Variants in EXT1 observed in about 807,000 individuals in gnomAD.
EXT1 encodes exostosin glycosyltransferase 1.
Under a neutral mutation model 82.5 loss-of-function variants are expected in EXT1, and 20 were observed. The ratio of observed to expected loss-of-function variants is 0.24; its 90% CI spans 0.17 to 0.35. The LOEUF is 0.35. EXT1 is among the 10% of genes least tolerant of loss of function. The probability of loss-of-function intolerance (pLI) is 1.00; values close to 1 mark genes in which losing one functional copy is unlikely to be tolerated. For synonymous variants in EXT1, 348 were observed against 350.8 expected, an observed-to-expected ratio of 0.99 and a Z score of 0.09; for missense variants, 757 against 936.5, an observed-to-expected ratio of 0.81 and a Z score of 2.50.
chr8:117,905,208 GC>G (rs1374065404), intron 1 of EXT1, among the ~76,000 whole-genome samples: 1 of 152,204 alleles, frequency 6.6e-6, no homozygotes, highest in Non-Finnish European at 1.5e-5. Flanking sequence ...TTCAAATCTA[GC>G]TCTGTTGGCT....
At chr8:117,909,188 G>C (rs567297351) in intron 1 of EXT1, among the ~76,000 whole-genome samples, 42 of 152,038 alleles carry the variant, frequency 2.8e-4, no homozygotes, top group South Asian at 4.2e-4. Flanking sequence ...GGCTAAAAAA[G>C]AACAATAATT....
chr8:117,838,435 G>A (rs1206413203), intron 1 of EXT1, among the ~76,000 whole-genome samples: 3 of 151,890 alleles, frequency 2.0e-5, no homozygotes, highest in Admixed American at 6.6e-5. Context: ...TTATAAACCC[G>A]CCATTAAGAA....
At chr8:117,926,945 C>T (rs548298231) in intron 1 of EXT1, among the ~76,000 whole-genome samples, 31 of 152,176 alleles carry the variant, frequency 2.0e-4, no homozygotes, top group Non-Finnish European at 4.3e-4. Flanking sequence ...CATATTTCAT[C>T]CGTCTCATCT....
Position 117,969,359 on chromosome 8 carries a change from G to A in EXT1, c.963-132158C>T, listed in dbSNP as rs11562819. On this transcript the variant is annotated intron_variant, in intron 1 of 10. Coordinates refer to ENST00000378204, the MANE Select transcript of EXT1 (RefSeq NM_000127.3). The stretch of plus-strand genomic sequence containing the variant: ...TCCAGGGCAATCTCTTCCACCATTC[G>A]TTTCCATAGTATTGTATAGCAAATG... Among the ~76,000 whole-genome samples the A allele has an allele frequency of 3.8e-3, 582 of 152,212 alleles. 6 individuals are homozygous for A. The highest frequency in any genetic ancestry group is 0.013 in the African/African-American group (537 of 41,534).
chr8:118,057,840 G>C (rs1816819594), intron 1 of EXT1, among the ~76,000 whole-genome samples: 1 of 151,828 alleles, frequency 6.6e-6, no homozygotes, highest in African/African-American at 2.4e-5. Context: ...AGGCACGGTG[G>C]CAGGCGCCTG....
intron 1 of EXT1, among the ~76,000 whole-genome samples, chr8:117,839,176 A>G (rs1812232823): frequency 6.6e-6 from 1 of 152,218 alleles, no homozygotes; most frequent in African/African-American, 2.4e-5. Flanking sequence ...ATAATAGGTA[A>G]TAGGAGCTGT....
At chr8:118,030,062 T>G (rs1816279190) in intron 1 of EXT1, among the ~76,000 whole-genome samples, 1 of 152,202 alleles carries the variant, frequency 6.6e-6, no homozygotes, top group East Asian at 1.9e-4. Context: ...TCATGAAGGT[T>G]GCAAAAGTAT....
chr8:117,879,441 GA>G (rs775940976), intron 1 of EXT1, among the ~76,000 whole-genome samples: 381 of 141,428 alleles, frequency 2.7e-3, no homozygotes, highest in African/African-American at 7.3e-3. Flanking sequence ...CTTTCCACAT[GA>G]AAAAAAAAAA....
intron 1 of EXT1, among the ~76,000 whole-genome samples, chr8:117,860,279 T>C (rs1812658142): frequency 6.6e-6 from 1 of 151,512 alleles, no homozygotes; most frequent in Admixed American, 6.6e-5. Context: ...ATGTTCTCAC[T>C]CAGAAGTGGG....
intron 1 of EXT1, among the ~76,000 whole-genome samples, chr8:117,995,512 G>T (rs1324159020): frequency 6.6e-6 from 1 of 152,068 alleles, no homozygotes; most frequent in Non-Finnish European, 1.5e-5. Context: ...AATGAAGGAC[G>T]TGGTTGGCAG....
intron 1 of EXT1, among the ~76,000 whole-genome samples, chr8:117,912,026 T>C (rs754350276): frequency 6.6e-6 from 1 of 150,380 alleles, no homozygotes; most frequent in Admixed American, 6.6e-5. Flanking sequence ...GGAAGAAGAG[T>C]AGAAGAGAGA....
chr8:117,981,098 A>G (rs1815193029), intron 1 of EXT1, among the ~76,000 whole-genome samples: 1 of 152,224 alleles, frequency 6.6e-6, no homozygotes, highest in Non-Finnish European at 1.5e-5. Flanking sequence ...AAGAGAACTT[A>G]TTTATACAAA....
chr8:117,824,579 G>T (rs1265506067), intron 4 of EXT1, among the ~76,000 whole-genome samples: 1 of 152,150 alleles, frequency 6.6e-6, no homozygotes, highest in Non-Finnish European at 1.5e-5. Context: ...CAGAATTTAA[G>T]AATAGCTGCC....
chr8:118,101,716 G>A (rs1341090537), intron 1 of EXT1, among the ~76,000 whole-genome samples: 1 of 152,148 alleles, frequency 6.6e-6, no homozygotes, highest in Non-Finnish European at 1.5e-5. Flanking sequence ...AGCTTCAAAG[G>A]CCCCCTGGCA....
intron 1 of EXT1, among the ~76,000 whole-genome samples, chr8:118,100,044 G>A (rs563269599): frequency 2.1e-4 from 32 of 152,222 alleles, no homozygotes; most frequent in African/African-American, 6.5e-4. Flanking sequence ...TACCCAAGAC[G>A]TGGCCTAATA....
intron 1 of EXT1, among the ~76,000 whole-genome samples, chr8:118,056,431 TG>T (rs1363454556): frequency 6.6e-6 from 1 of 152,172 alleles, no homozygotes; most frequent in African/African-American, 2.4e-5. Flanking sequence ...ATGGACTCAG[TG>T]AAACCCAACT....
At chr8:117,883,973 C>T (rs1408315614) in intron 1 of EXT1, among the ~76,000 whole-genome samples, 3 of 152,178 alleles carry the variant, frequency 2.0e-5, no homozygotes, top group Non-Finnish European at 4.4e-5. Flanking sequence ...CCCTCTCAAC[C>T]AGCTTATGAG....
At position 118,103,819 on chromosome 8, in the gene EXT1, T is replaced by C. The variant is rs12541473; in HGVS notation, c.962+6266A>G. Among the ~76,000 whole-genome samples, 867 of 152,306 alleles carry C rather than the reference T, an allele frequency of 5.7e-3. 30 individuals are homozygous for C. Among genetic ancestry groups the C allele is most frequent in the Admixed American group, 0.049 (755 of 15,298 alleles). On this transcript the variant is annotated intron_variant, in intron 1 of 10. Coordinates refer to ENST00000378204, the MANE Select transcript of EXT1 (RefSeq NM_000127.3). The stretch of plus-strand genomic sequence containing the variant: ...TCCAATGCCCCTTGAACAGAAGAGT[T>C]GAAGGAGTTCAGTGCTTAAATGTCA...
At chr8:118,104,937 C>T (rs1274019932) in intron 1 of EXT1, among the ~76,000 whole-genome samples, 1 of 152,172 alleles carries the variant, frequency 6.6e-6, no homozygotes, top group Non-Finnish European at 1.5e-5. Flanking sequence ...AAAGCGAATG[C>T]AGTGAGGTAG....
Sources: gnomAD v4.1 joint callset for allele counts (sites outside exome capture counted in the v4.1 genomes callset) on GRCh38, gnomAD v4.1.1 for gene constraint, MANE v1.5 for transcripts, NCBI Gene and HGNC (gene_info 2026-07-23, HGNC 2026-07-21) for gene names.